The following PREX1 variants were observed in gnomAD, a reference collection of about 807,000 sequenced individuals.
PREX1 encodes the protein phosphatidylinositol 3,4,5-trisphosphate-dependent Rac exchanger 1 protein.
A neutral mutation model predicts 198.3 loss-of-function variants in PREX1; 41 were observed. The observed-to-expected ratio is 0.21, with a 90% CI of 0.16 to 0.27. The LOEUF (loss-of-function observed/expected upper bound fraction) is 0.27, where lower values mean the gene tolerates loss of function less well. Among genes scored for constraint, PREX1 ranks in the 10% least tolerant of loss-of-function variants. The pLI is 1.00. For missense variants in PREX1, 1,620 were observed against 2,200.7 expected, an observed-to-expected ratio of 0.74 and a Z score of 5.28; for synonymous variants, 843 against 887.2, an observed-to-expected ratio of 0.95 and a Z score of 0.89.
intron 1 of PREX1, among the ~76,000 whole-genome samples, chr20:48,793,823 T>G (rs1234290901): frequency 6.6e-6 from 1 of 152,198 alleles, no homozygotes; most frequent in Non-Finnish European, 1.5e-5. Context: ...TTCTGGCCAT[T>G]AATAAATGAT....
At chr20:48,720,551 T>C (rs1317523509) in intron 5 of PREX1, among the ~76,000 whole-genome samples, 1 of 152,054 alleles carries the variant, frequency 6.6e-6, no homozygotes, top group African/African-American at 2.4e-5. Context: ...GCTAAGAGAG[T>C]AGTATTCTAC....
intron 4 of PREX1, among the ~76,000 whole-genome samples, chr20:48,732,277 G>A (rs1022843249): frequency 6.6e-5 from 10 of 152,122 alleles, no homozygotes; most frequent in East Asian, 1.9e-4. Context: ...CACTGGAGCC[G>A]GGCCAAGCAA....
chr20:48,870,520 A>G, the PREX1 span, among the ~76,000 whole-genome samples: 1 of 152,214 alleles, frequency 6.6e-6, no homozygotes, highest in Non-Finnish European at 1.5e-5. Flanking sequence ...AGTCACGTGG[A>G]GCCTTTGTCC....
intron 1 of PREX1, among the ~76,000 whole-genome samples, chr20:48,816,487 C>G (rs1004744883): frequency 1.3e-5 from 2 of 152,146 alleles, no homozygotes; most frequent in Non-Finnish European, 2.9e-5. Context: ...CTGACCTAAT[C>G]AGGTAAAGCC....
intron 1 of PREX1, among the ~76,000 whole-genome samples, chr20:48,762,701 C>CTTTTTTT (rs397816054): frequency 7.8e-6 from 1 of 128,102 alleles, no homozygotes; most frequent in Admixed American, 8.1e-5. Context: ...TATGAAGTTT[C>CTTTTTTT]TTTTTTTTTT....
intron 3 of PREX1, among the ~76,000 whole-genome samples, chr20:48,744,565 C>A (rs1196706572): frequency 6.6e-6 from 1 of 152,212 alleles, no homozygotes; most frequent in Non-Finnish European, 1.5e-5. Context: ...GAGGCTATTG[C>A]AACAAGCGTC....
chr20:48,685,270 G>A (rs565000638), intron 10 of PREX1, among the ~76,000 whole-genome samples: 102 of 152,332 alleles, frequency 6.7e-4, no homozygotes, highest in African/African-American at 2.3e-3. Context: ...AGAGGGCACA[G>A]GCCATGCTCC....
chr20:48,866,580 G>A, the PREX1 span, among the ~76,000 whole-genome samples: 1 of 152,190 alleles, frequency 6.6e-6, no homozygotes, highest in Non-Finnish European at 1.5e-5. Flanking sequence ...TAAATGGGAT[G>A]GGTTGCCCCT....
chr20:48,884,530 C>G, the PREX1 span, among the ~76,000 whole-genome samples: 305 of 152,180 alleles, frequency 2.0e-3, no homozygotes, highest in African/African-American at 7.0e-3. Context: ...GATCACAGAC[C>G]TAAGGATAAG....
chr20:48,877,709 T>C, the PREX1 span, among the ~76,000 whole-genome samples: 3 of 152,194 alleles, frequency 2.0e-5, no homozygotes, highest in East Asian at 1.9e-4. Context: ...ATTTGAACAA[T>C]AGAGCAACTA....
At chr20:48,741,534 A>G (rs6063316) in intron 3 of PREX1, among the ~76,000 whole-genome samples, 12,120 of 152,186 alleles carry the variant, frequency 0.08, 596 homozygotes, top group South Asian at 0.22. Context: ...TAAGGGGCTG[A>G]ACTATTTCTG....
chr20:48,869,893 C>A, the PREX1 span, among the ~76,000 whole-genome samples: 79 of 152,218 alleles, frequency 5.2e-4, no homozygotes, highest in African/African-American at 1.7e-3. Flanking sequence ...ACCTAATGCA[C>A]GCTGGGCTTA....
At chr20:48,826,033 G>A (rs981943855) in intron 1 of PREX1, among the ~76,000 whole-genome samples, 1 of 151,734 alleles carries the variant, frequency 6.6e-6, no homozygotes, top group South Asian at 2.1e-4. Context: ...ACAGGCAGAA[G>A]GGCTCTAGTC....
intron 37 of PREX1, among the ~76,000 whole-genome samples, chr20:48,629,216 T>A (rs947750448): frequency 6.6e-5 from 10 of 152,118 alleles, no homozygotes; most frequent in Non-Finnish European, 1.2e-4. Context: ...TCACACACAC[T>A]CACTACGGCG....
chr20:48,790,504 C>A (rs6012529), intron 1 of PREX1, among the ~76,000 whole-genome samples: 1 of 151,360 alleles, frequency 6.6e-6, no homozygotes, highest in Non-Finnish European at 1.5e-5. Flanking sequence ...AACATGAGTG[C>A]GGAAAAAAAA....
At chr20:48,786,311 C>T (rs1294302532) in intron 1 of PREX1, among the ~76,000 whole-genome samples, 1 of 152,150 alleles carries the variant, frequency 6.6e-6, no homozygotes, top group African/African-American at 2.4e-5. Context: ...TTCTAAAGGG[C>T]TAGGCAAACC....
Position 48,627,622 on chromosome 20 carries a change from G to A in PREX1, c.4870-7C>T, listed in dbSNP as rs771624734. The stretch of plus-strand genomic sequence containing the variant: ...GAATCTCCACCCTTGGGCCCTGGAA[G>A]AAGGAACCATCAGGCAGGGGCCTCT... On this transcript the variant is annotated splice_region_variant and splice_polypyrimidine_tract_variant and intron_variant, in intron 38 of 39. Coordinates refer to ENST00000371941, the MANE Select transcript of PREX1 (RefSeq NM_020820.4). The A allele has an allele frequency of 6.8e-6, 11 of 1,611,714 alleles. No individual in the cohort carries two copies. In the East Asian group the frequency reaches 2.5e-4, roughly 36 times the overall value.
At chr20:48,854,109 G>T in the PREX1 span, among the ~76,000 whole-genome samples, 1 of 152,236 alleles carries the variant, frequency 6.6e-6, no homozygotes, top group Non-Finnish European at 1.5e-5. Flanking sequence ...ATCGGGTCCA[G>T]CTGCTGGGCT....
At chr20:48,843,942 C>T in the PREX1 span, among the ~76,000 whole-genome samples, 1 of 152,062 alleles carries the variant, frequency 6.6e-6, no homozygotes, top group Non-Finnish European at 1.5e-5. Context: ...GCCAGGAGTT[C>T]AAGACCAGCC....
Sources: gnomAD v4.1 joint callset for allele counts (sites outside exome capture counted in the v4.1 genomes callset) on GRCh38, gnomAD v4.1.1 for gene constraint, MANE v1.5 for transcripts, NCBI Gene and HGNC (gene_info 2026-07-23, HGNC 2026-07-21) for gene names.